The following SYT17 variants were observed in gnomAD, a reference collection of about 807,000 sequenced individuals.
SYT17 encodes synaptotagmin-17.
In SYT17, 22 loss-of-function variants were observed where a neutral mutation model predicts 46.7. That is an observed-to-expected ratio of 0.47 (90% CI 0.34 to 0.67). The LOEUF is 0.67. Among genes scored for constraint, SYT17 ranks in the 30% least tolerant of loss-of-function variants. The probability of loss-of-function intolerance (pLI) is 0.01; values close to 1 mark genes in which losing one functional copy is unlikely to be tolerated. For missense variants in SYT17, 519 were observed against 612.8 expected, an observed-to-expected ratio of 0.85 and a Z score of 1.62; for synonymous variants, 251 against 248.4, an observed-to-expected ratio of 1.01 and a Z score of -0.10.
rs148899176 is a variant in SYT17 at position 19,232,543 on chromosome 16, A to G, written c.1228+7705A>G. 3.9e-3 allele frequency among the ~76,000 whole-genome samples: 596 copies of G among 151,804 alleles called. 4 individuals carry two copies. The highest frequency in any genetic ancestry group is 0.017 in the Middle Eastern group (5 of 294). On this transcript the variant is annotated intron_variant, in intron 7 of 7. Transcript: ENST00000355377. Reference sequence around the variant, plus strand: ...GTGCCAGTGCATTAATAAGAATTAAACCCTTGGCCCGGTGCGGTGGCTCAC... The same window carrying G: ...GTGCCAGTGCATTAATAAGAATTAAGCCCTTGGCCCGGTGCGGTGGCTCAC...
At chr16:19,247,078 C>T (rs1360881880) in intron 7 of SYT17, among the ~76,000 whole-genome samples, 3 of 152,030 alleles carry the variant, frequency 2.0e-5, no homozygotes, top group Admixed American at 6.6e-5. Context: ...ACCATGTGGA[C>T]GTTTGTGGGA....
At chr16:19,244,521 A>ATGGG (rs1452793097) in intron 7 of SYT17, among the ~76,000 whole-genome samples, 4 of 148,794 alleles carry the variant, frequency 2.7e-5, no homozygotes, top group African/African-American at 1.0e-4. Context: ...TTTTGTAGAG[A>ATGGG]TGGGGGTCTC....
At chr16:19,195,821 CA>C (rs1965218106) in intron 5 of SYT17, among the ~76,000 whole-genome samples, 2 of 152,004 alleles carry the variant, frequency 1.3e-5, no homozygotes, top group South Asian at 4.1e-4. Flanking sequence ...CCCATCTCTA[CA>C]AAAAATTTAA....
chr16:19,238,916 C>T (rs1373166669), intron 7 of SYT17, among the ~76,000 whole-genome samples: 2 of 152,170 alleles, frequency 1.3e-5, no homozygotes, highest in Non-Finnish European at 2.9e-5. Context: ...GACATCCCTT[C>T]TATCCATCAT....
At chr16:19,238,665 T>C (rs1386553117) in intron 7 of SYT17, among the ~76,000 whole-genome samples, 2 of 152,222 alleles carry the variant, frequency 1.3e-5, no homozygotes, top group East Asian at 3.9e-4. Flanking sequence ...GATGGAACCT[T>C]GTTCCAGGCA....
At chr16:19,264,791 T>C (rs1327409335) in intron 7 of SYT17, among the ~76,000 whole-genome samples, 1 of 151,996 alleles carries the variant, frequency 6.6e-6, no homozygotes, top group Non-Finnish European at 1.5e-5. Context: ...GCAGGGTTTT[T>C]CCATGTTGCC....
intron 1 of SYT17, chr16:19,172,311 G>A: frequency 7.6e-7 from 1 of 1,316,910 alleles, no homozygotes; most frequent in East Asian, 3.0e-5. Context: ...GCCTCCGGGA[G>A]GGCGGGGGAG....
intron 7 of SYT17, among the ~76,000 whole-genome samples, chr16:19,248,776 C>G (rs573603126): frequency 6.6e-6 from 1 of 151,926 alleles, no homozygotes; most frequent in Admixed American, 6.6e-5. Context: ...GAGCTGAGAT[C>G]GCGCCACTGG....
intron 7 of SYT17, among the ~76,000 whole-genome samples, chr16:19,260,176 G>A (rs11649607): frequency 0.46 from 69,768 of 151,302 alleles, 16,717 homozygotes; most frequent in East Asian, 0.61. Flanking sequence ...TAGATGGTAA[G>A]TGTTTCTTAC....
At chr16:19,234,865 C>A (rs1306093917) in intron 7 of SYT17, among the ~76,000 whole-genome samples, 1 of 152,176 alleles carries the variant, frequency 6.6e-6, no homozygotes, top group African/African-American at 2.4e-5. Flanking sequence ...TATTTAATAG[C>A]TCAGCCCAGC....
chr16:19,250,021 A>C, intron 7 of SYT17: 1 of 1,535,960 alleles, frequency 6.5e-7, no homozygotes, highest in Non-Finnish European at 8.7e-7. Flanking sequence ...CTCACCTGGA[A>C]ATGAACATTT....
At chr16:19,253,925 C>T (rs903705838) in intron 7 of SYT17, among the ~76,000 whole-genome samples, 2 of 152,134 alleles carry the variant, frequency 1.3e-5, no homozygotes, top group African/African-American at 2.4e-5. Flanking sequence ...GATGGGGTTT[C>T]ACCATGTTGA....
At chr16:19,176,988 C>T (rs115031578) in intron 3 of SYT17, among the ~76,000 whole-genome samples, 5,023 of 152,204 alleles carry the variant, frequency 0.033, 285 homozygotes, top group African/African-American at 0.11. Context: ...TCGATACCAG[C>T]GGAGACCCCT....
chr16:19,177,080 G>A (rs1173512124), intron 3 of SYT17, among the ~76,000 whole-genome samples: 1 of 152,202 alleles, frequency 6.6e-6, no homozygotes, highest in Non-Finnish European at 1.5e-5. Context: ...CACAGCCTAG[G>A]TTCTCATGTT....
At chr16:19,193,540 C>T (rs567314205) in intron 5 of SYT17, among the ~76,000 whole-genome samples, 5 of 152,294 alleles carry the variant, frequency 3.3e-5, no homozygotes, top group South Asian at 2.1e-4. Flanking sequence ...AGAGTCTGTG[C>T]GTGTGGCCAC....
chr16:19,254,946 G>T (rs1354073612), intron 7 of SYT17, among the ~76,000 whole-genome samples: 1 of 152,154 alleles, frequency 6.6e-6, no homozygotes, highest in Non-Finnish European at 1.5e-5. Flanking sequence ...CAGCCCCAAA[G>T]GAATTTTAAA....
At chr16:19,180,658 TC>T in intron 4 of SYT17, 119 bp downstream of exon 4, 1 of 1,214,406 alleles carries the variant, frequency 8.2e-7, no homozygotes, top group Non-Finnish European at 1.2e-6. Context: ...GGGATGACAG[TC>T]CAGGAGACAG....
chr16:19,177,238 ACAC>A (rs1784766886), intron 3 of SYT17, among the ~76,000 whole-genome samples: 1 of 152,116 alleles, frequency 6.6e-6, no homozygotes, highest in African/African-American at 2.4e-5. Context: ...CAGGGCCAAT[ACAC>A]CACAAAATTC....
chr16:19,214,976 C>T (rs229025), intron 5 of SYT17, among the ~76,000 whole-genome samples: 98,226 of 151,386 alleles, frequency 0.65, 33,063 homozygotes, highest in African/African-American at 0.81. Flanking sequence ...CTAGTAGAGA[C>T]GGGGTTTCAC....
Sources: gnomAD v4.1 joint callset for allele counts (sites outside exome capture counted in the v4.1 genomes callset) on GRCh38, gnomAD v4.1.1 for gene constraint, MANE v1.5 for transcripts, NCBI Gene and HGNC (gene_info 2026-07-23, HGNC 2026-07-21) for gene names.